IGF2R: variants seen among roughly 807,000 people sequenced by gnomAD.
IGF2R encodes the protein insulin like growth factor 2 receptor.
In IGF2R, 91 loss-of-function variants were observed where a neutral mutation model predicts 270.6. That is an observed-to-expected ratio of 0.34 (90% confidence interval 0.28 to 0.40). IGF2R has a LOEUF of 0.40. Among genes scored for constraint, IGF2R ranks in the 10% least tolerant of loss-of-function variants. The pLI is 1.00. For missense variants in IGF2R, 2,805 were observed against 3,188.3 expected (o/e 0.88, Z 2.90); for synonymous variants, 1,316 against 1,258.9 (o/e 1.05, Z -0.96).
chr6:160,011,452 G>A, intron 4 of IGF2R, among the ~76,000 whole-genome samples: 1 of 151,418 alleles, frequency 6.6e-6, no homozygotes, highest in South Asian at 2.1e-4. Context: ...CATACACACT[G>A]ACCTATATGT....
intron 30 of IGF2R, 102 bp from the exon 31 acceptor site, chr6:160,069,766 G>C (rs757592935): frequency 4.0e-6 from 4 of 1,006,414 alleles, no homozygotes; most frequent in Middle Eastern, 3.2e-4. Flanking sequence ...CTTAGAAAGC[G>C]TATGAAGTTC....
At chr6:160,031,917 T>A (rs368671967) in intron 7 of IGF2R, among the ~76,000 whole-genome samples, 19 of 152,246 alleles carry the variant, frequency 1.2e-4, no homozygotes, top group Non-Finnish European at 2.5e-4. Context: ...GCCCCCTTCA[T>A]GGCTCACATC....
intron 1 of IGF2R, among the ~76,000 whole-genome samples, chr6:159,969,939 A>AATAT (rs146966761): frequency 6.7e-6 from 1 of 149,582 alleles, no homozygotes; most frequent in Non-Finnish European, 1.5e-5. Context: ...CTCTTTAAAG[A>AATAT]ATATATATAT....
rs1783565304 is a variant in IGF2R at position 159,969,131 on chromosome 6, C to T, written c.-116C>T. On this transcript the variant is annotated 5_prime_UTR_variant, in exon 1 of 48. Transcript: ENST00000356956. ...AGTCGAGCCGCGCTCACCTCGGGCT[C>T]CCGCTCCGTCTCCACCTCCGCCTTT... 1.1e-5 allele frequency: 6 copies of T among 556,726 alleles called. No individual in the cohort carries two copies. The South Asian group carries it at 3.8e-4, about 35-fold the overall frequency. 34.5% of individuals were successfully genotyped at this position (556,726 alleles called of 1,614,324 possible). A position where few individuals can be genotyped will look rare whatever the true frequency, so the allele number is the denominator to read the frequency against.
At position 159,975,543 on chromosome 6, in the gene IGF2R, T is replaced by C. The variant is rs77384690; in HGVS notation, c.149+6148T>C. On this transcript the variant is annotated intron_variant, in intron 1 of 47. Transcript: ENST00000356956. The stretch of plus-strand genomic sequence containing the variant: ...GATGAGAGTCCTACCTTGGGGCAGG[T>C]GGAAGGAGGGGCAGGTGGAGAGATT... Among the ~76,000 whole-genome samples, 846 of 151,208 alleles carry C rather than the reference T, an allele frequency of 5.6e-3. 8 individuals are homozygous for C. The highest frequency in any genetic ancestry group is 0.024 in the Middle Eastern group (7 of 292).
intron 15 of IGF2R, 25 bp downstream of exon 15, chr6:160,046,670 C>G: frequency 6.2e-7 from 1 of 1,603,498 alleles, no homozygotes; most frequent in Non-Finnish European, 8.5e-7. Context: ...AGTTCTGTTT[C>G]ATTCTTAGGC....
chr6:160,088,044 G>A lies in IGF2R; in HGVS notation c.6217G>A (p.Val2073Ile). The change falls in exon 42 of 48, where the codon GTT becomes ATT. Residue 2073 changes from valine (V) to isoleucine (I), a missense_variant. Physicochemically the swap from Val to Ile is conservative, Grantham distance 29. Coordinates refer to ENST00000356956, the MANE Select transcript of IGF2R (RefSeq NM_000876.4). ...TTTGTGTGTTTCAGGTGACAAAGTT[G>A]TTGTCACGTACTCCAAAGGTTATCC... ...QKLGVIGDKV[V>I]VTYSKGYPCG... 2 of 1,601,972 alleles carry A rather than the reference G, an allele frequency of 1.2e-6. No homozygotes were observed. Among genetic ancestry groups the A allele is most frequent in the Non-Finnish European group, 1.7e-6 (2 of 1,168,920 alleles).
At chr6:160,100,035 G>A (rs979613340) in intron 45 of IGF2R, among the ~76,000 whole-genome samples, 7 of 152,016 alleles carry the variant, frequency 4.6e-5, no homozygotes, top group African/African-American at 7.3e-5. Context: ...CCAAAACAGC[G>A]GAGAAGAAAA....
chr6:160,070,503 G>A (rs1277484585), intron 31 of IGF2R, among the ~76,000 whole-genome samples: 2 of 152,202 alleles, frequency 1.3e-5, no homozygotes, highest in Admixed American at 6.5e-5. Context: ...AGGCATACTT[G>A]TCCTGCCCAT....
chr6:160,027,084 T>C (rs1777576938), intron 5 of IGF2R, 101 bp from the exon 6 acceptor site: 3 of 1,315,726 alleles, frequency 2.3e-6, no homozygotes, highest in Non-Finnish European at 3.2e-6. Flanking sequence ...GGGAGACTTT[T>C]AGGAATTCAA....
chr6:160,012,745 T>TTATA (rs201706423), intron 4 of IGF2R, among the ~76,000 whole-genome samples: 1 of 105,336 alleles, frequency 9.5e-6, no homozygotes, highest in African/African-American at 3.4e-5. Context: ...CCCGGCTAAT[T>TTATA]TATATATATA....
chr6:160,019,448 A>G (rs1260559595), intron 4 of IGF2R, among the ~76,000 whole-genome samples: 1 of 152,210 alleles, frequency 6.6e-6, no homozygotes, highest in Non-Finnish European at 1.5e-5. Context: ...AGAGGAGGGA[A>G]TCCTCCCTAA....
intron 7 of IGF2R, among the ~76,000 whole-genome samples, chr6:160,032,177 A>C (rs1038152924): frequency 6.6e-6 from 1 of 152,202 alleles, no homozygotes; most frequent in Non-Finnish European, 1.5e-5. Context: ...TGCACCCTGC[A>C]CGGCCTGTTA....
At chr6:160,047,648 A>G (rs1433869203) in intron 16 of IGF2R, 144 bp from the exon 17 acceptor site, 2 of 644,318 alleles carry the variant, frequency 3.1e-6, no homozygotes, top group East Asian at 2.7e-5. Flanking sequence ...TCTTCTTTTT[A>G]ATAAAATGAA....
intron 44 of IGF2R, among the ~76,000 whole-genome samples, chr6:160,091,287 C>T (rs1373104197): frequency 1.7e-5 from 1 of 59,118 alleles, no homozygotes; most frequent in Non-Finnish European, 3.3e-5. Flanking sequence ...TGGTGCTGAG[C>T]GCATCGCCGA....
intron 9 of IGF2R, among the ~76,000 whole-genome samples, chr6:160,033,775 G>T (rs192293977): frequency 3.3e-4 from 50 of 152,320 alleles, no homozygotes; most frequent in Admixed American, 8.5e-4. Flanking sequence ...AGAATCTGAA[G>T]CACCATCAAC....
intron 7 of IGF2R, among the ~76,000 whole-genome samples, chr6:160,032,172 C>A (rs1310126523): frequency 6.6e-6 from 1 of 152,132 alleles, no homozygotes; most frequent in Non-Finnish European, 1.5e-5. Context: ...GACCATGCAC[C>A]CTGCACGGCC....
intron 4 of IGF2R, among the ~76,000 whole-genome samples, chr6:160,023,306 G>A (rs1777477852): frequency 6.6e-6 from 1 of 152,078 alleles, no homozygotes; most frequent in African/African-American, 2.4e-5. Flanking sequence ...GGTGGGGCAG[G>A]GGGACCTTAA....
intron 29 of IGF2R, among the ~76,000 whole-genome samples, chr6:160,067,508 G>A (rs1194247927): frequency 6.6e-6 from 1 of 152,154 alleles, no homozygotes. Context: ...TTGTAAGATT[G>A]ATGATGTTTA....
Sources: gnomAD v4.1 joint callset for allele counts (sites outside exome capture counted in the v4.1 genomes callset) on GRCh38, gnomAD v4.1.1 for gene constraint, MANE v1.5 for transcripts, NCBI Gene and HGNC (gene_info 2026-07-23, HGNC 2026-07-21) for gene names.